The following ATOSA variants were observed in gnomAD, a reference collection of about 807,000 sequenced individuals.
The protein encoded by ATOSA is atos homolog A.
chr15:52,658,971 C>G, the ATOSA span, among the ~76,000 whole-genome samples: 1 of 151,858 alleles, frequency 6.6e-6, no homozygotes, highest in Non-Finnish European at 1.5e-5. Flanking sequence ...GGCAACAGGG[C>G]AAGAACCTGT....
At chr15:52,652,091 C>CA in the ATOSA span, 3 of 1,427,750 alleles carry the variant, frequency 2.1e-6, no homozygotes, top group African/African-American at 4.3e-5. Flanking sequence ...CAACAGCACT[C>CA]ACAGCTGATT....
At chr15:52,584,674 G>GT in the ATOSA span, 12 of 1,351,248 alleles carry the variant, frequency 8.9e-6, no homozygotes, top group African/African-American at 1.6e-4. Context: ...TAGAGTCACA[G>GT]TTTAAAAAAA....
chr15:52,646,176 C>A, the ATOSA span, among the ~76,000 whole-genome samples: 6 of 152,188 alleles, frequency 3.9e-5, no homozygotes, highest in Non-Finnish European at 8.8e-5. Context: ...CTATTTCCCA[C>A]TGAATGCGTC....
the ATOSA span, among the ~76,000 whole-genome samples, chr15:52,703,597 C>T: frequency 6.6e-6 from 1 of 151,978 alleles, no homozygotes; most frequent in Admixed American, 6.6e-5. Context: ...TAAAGATATA[C>T]CTCCAAACAT....
the ATOSA span, chr15:52,651,754 T>C: frequency 4.0e-6 from 4 of 992,954 alleles, no homozygotes; most frequent in Non-Finnish European, 5.9e-6. Flanking sequence ...GAGATAATTT[T>C]CCTAGACCTA....
At chr15:52,582,264 C>T in the ATOSA span, 23 of 1,600,750 alleles carry the variant, frequency 1.4e-5, no homozygotes, top group African/African-American at 4.1e-5. Context: ...AGGAGCCGTA[C>T]GTCTCTATGG....
At chr15:52,617,306 G>A in the ATOSA span, among the ~76,000 whole-genome samples, 1 of 152,118 alleles carries the variant, frequency 6.6e-6, no homozygotes, top group Admixed American at 6.5e-5. Context: ...GGCCACATGA[G>A]CACACAGGGA....
chr15:52,588,097 C>G, the ATOSA span, among the ~76,000 whole-genome samples: 1 of 152,130 alleles, frequency 6.6e-6, no homozygotes, highest in African/African-American at 2.4e-5. Flanking sequence ...GTTTGGTACT[C>G]AAAGAATGAT....
the ATOSA span, chr15:52,609,422 G>T: frequency 6.2e-7 from 1 of 1,613,772 alleles, no homozygotes; most frequent in Non-Finnish European, 8.5e-7. Flanking sequence ...GATGCTGTTG[G>T]ATCAATGTGC....
At chr15:52,636,152 AAAT>A in the ATOSA span, among the ~76,000 whole-genome samples, 2 of 146,970 alleles carry the variant, frequency 1.4e-5, no homozygotes, top group African/African-American at 2.5e-5. Flanking sequence ...ATAAATGTAT[AAAT>A]AATAAAAATA....
the ATOSA span, chr15:52,605,038 T>G: frequency 2.4e-6 from 2 of 830,574 alleles, no homozygotes; most frequent in Non-Finnish European, 3.7e-6. Flanking sequence ...TTAAAGATAT[T>G]TAAATTTTTT....
At chr15:52,661,931 C>CAAAAAAAA in the ATOSA span, among the ~76,000 whole-genome samples, 7 of 73,232 alleles carry the variant, frequency 9.6e-5, no homozygotes, top group African/African-American at 2.4e-4. Context: ...CAAGCCAGGC[C>CAAAAAAAA]AAAAAAAAAA....
At chr15:52,690,138 T>C in the ATOSA span, among the ~76,000 whole-genome samples, 1 of 152,238 alleles carries the variant, frequency 6.6e-6, no homozygotes, top group African/African-American at 2.4e-5. Context: ...TTTACATCAC[T>C]TTCAAATCAT....
At chr15:52,596,760 A>G in the ATOSA span, among the ~76,000 whole-genome samples, 40 of 152,344 alleles carry the variant, frequency 2.6e-4, no homozygotes, top group African/African-American at 9.1e-4. Flanking sequence ...TAGTGTAAAG[A>G]AGCCTTGGGC....
chr15:52,652,287 T>C, the ATOSA span, among the ~76,000 whole-genome samples: 6 of 152,354 alleles, frequency 3.9e-5, no homozygotes, highest in East Asian at 9.6e-4. Context: ...AATGTGTTTC[T>C]TCAGTTGCTT....
the ATOSA span, among the ~76,000 whole-genome samples, chr15:52,664,230 A>C: frequency 2.0e-5 from 3 of 152,216 alleles, no homozygotes; most frequent in Non-Finnish European, 4.4e-5. Flanking sequence ...ACAGCACTAA[A>C]GACTTTAGAC....
the ATOSA span, among the ~76,000 whole-genome samples, chr15:52,680,066 ATCT>A: frequency 1.3e-5 from 2 of 151,868 alleles, no homozygotes; most frequent in East Asian, 3.9e-4. Flanking sequence ...GCTAAAAATA[ATCT>A]TCATAACTTC....
the ATOSA span, chr15:52,610,455 A>C: frequency 6.9e-7 from 1 of 1,458,948 alleles, no homozygotes; most frequent in Non-Finnish European, 9.2e-7. Flanking sequence ...ATATTATTTT[A>C]AATGTAAAGC....
At chr15:52,622,649 G>A in the ATOSA span, among the ~76,000 whole-genome samples, 2 of 152,090 alleles carry the variant, frequency 1.3e-5, no homozygotes, top group East Asian at 3.9e-4. Context: ...TGGTTAAGGA[G>A]GGCTTTTTGA....
Sources: allele counts gnomAD v4.1 joint callset (sites outside exome capture counted in the v4.1 genomes callset), GRCh38; gene constraint gnomAD v4.1.1; transcripts MANE v1.5; gene names NCBI Gene and HGNC (gene_info 2026-07-23, HGNC 2026-07-21).